The following CAMTA1 variants were observed in gnomAD, a reference collection of about 807,000 sequenced individuals.
CAMTA1 encodes the protein calmodulin binding transcription activator 1, also known as calmodulin-binding transcription activator 1.
CAMTA1 carries 27 observed loss-of-function variants against 170.9 expected under a neutral mutation model. The observed-to-expected ratio is 0.16, with a 90% CI of 0.12 to 0.22. The LOEUF is 0.22. CAMTA1 is among the 10% of genes least tolerant of loss of function. CAMTA1 has a pLI of 1.00. For synonymous variants in CAMTA1, 833 were observed against 891.5 expected, an observed-to-expected ratio of 0.93 and a Z score of 1.17; for missense variants, 1,619 against 2,217.2, an observed-to-expected ratio of 0.73 and a Z score of 5.42.
chr1:7,653,718 C>G (rs1321044490), intron 7 of CAMTA1, among the ~76,000 whole-genome samples: 1 of 152,020 alleles, frequency 6.6e-6, no homozygotes, highest in Non-Finnish European at 1.5e-5. Flanking sequence ...AAAAAAAGTG[C>G]TAGGGAGGGC....
At chr1:6,844,674 A>G (rs1657281408) in intron 3 of CAMTA1, among the ~76,000 whole-genome samples, 1 of 135,974 alleles carries the variant, frequency 7.4e-6, no homozygotes, top group Admixed American at 8.0e-5. Context: ...TGACAGAGTG[A>G]GAGAGACCCT....
At chr1:7,698,428 G>C (rs1489353039) in intron 11 of CAMTA1, 1 of 152,444 alleles carries the variant, frequency 6.6e-6, no homozygotes, top group Non-Finnish European at 1.5e-5. Context: ...TGATTTTACA[G>C]AGGAGGAAAC....
At chr1:7,605,022 C>A (rs2095474476) in intron 6 of CAMTA1, among the ~76,000 whole-genome samples, 1 of 152,120 alleles carries the variant, frequency 6.6e-6, no homozygotes, top group Non-Finnish European at 1.5e-5. Flanking sequence ...AATGTTGCTG[C>A]CTGATCATTC....
chr1:7,062,347 T>C (rs1041786425), intron 3 of CAMTA1, among the ~76,000 whole-genome samples: 3 of 152,162 alleles, frequency 2.0e-5, no homozygotes, highest in African/African-American at 7.2e-5. Flanking sequence ...TAAGGAAACA[T>C]AGATTACAGT....
At chr1:7,611,287 T>G (rs187763653) in intron 6 of CAMTA1, among the ~76,000 whole-genome samples, 61 of 152,172 alleles carry the variant, frequency 4.0e-4, no homozygotes, top group Non-Finnish European at 7.2e-4. Flanking sequence ...TTCACAACAG[T>G]TCCAACTTTT....
At chr1:7,436,342 G>A (rs2092346456) in intron 5 of CAMTA1, among the ~76,000 whole-genome samples, 1 of 152,208 alleles carries the variant, frequency 6.6e-6, no homozygotes, top group South Asian at 2.1e-4. Context: ...GGATTGTTCA[G>A]GGAGGGGGCC....
intron 6 of CAMTA1, among the ~76,000 whole-genome samples, chr1:7,550,387 G>A (rs1276044003): frequency 6.6e-6 from 1 of 151,852 alleles, no homozygotes; most frequent in Non-Finnish European, 1.5e-5. Context: ...CTGATCCAGA[G>A]TCCTGAATGG....
At chr1:7,303,063 T>G (rs1675029441) in intron 5 of CAMTA1, among the ~76,000 whole-genome samples, 1 of 152,194 alleles carries the variant, frequency 6.6e-6, no homozygotes, top group African/African-American at 2.4e-5. Context: ...GCCTTCCTCT[T>G]GGTGCTGCTG....
At chr1:7,667,568 C>G (rs2096012408) in intron 9 of CAMTA1, among the ~76,000 whole-genome samples, 1 of 152,148 alleles carries the variant, frequency 6.6e-6, no homozygotes, top group Non-Finnish European at 1.5e-5. Flanking sequence ...AGGGTCCCCT[C>G]TTTTCCCGAG....
chr1:7,388,867 C>T (rs946472018), intron 5 of CAMTA1, among the ~76,000 whole-genome samples: 2 of 152,232 alleles, frequency 1.3e-5, no homozygotes, highest in African/African-American at 4.8e-5. Context: ...CCTCTGAGCC[C>T]TCCAGCCAGA....
chr1:7,687,390 G>C (rs1558132889), intron 11 of CAMTA1, among the ~76,000 whole-genome samples: 1 of 152,106 alleles, frequency 6.6e-6, no homozygotes, highest in Admixed American at 6.5e-5. Context: ...GCAGGGGGAG[G>C]TGGGTAGGAA....
chr1:7,595,360 G>A (rs1446551175), intron 6 of CAMTA1, among the ~76,000 whole-genome samples: 1 of 152,220 alleles, frequency 6.6e-6, no homozygotes, highest in Non-Finnish European at 1.5e-5. Context: ...GCCCTTTAAT[G>A]GAGCATTGAG....
intron 3 of CAMTA1, among the ~76,000 whole-genome samples, chr1:6,946,774 C>G (rs1206042523): frequency 6.6e-6 from 1 of 151,358 alleles, no homozygotes; most frequent in African/African-American, 2.4e-5. Context: ...TGTCTTTTCA[C>G]TTCCTTCACC....
At chr1:7,155,480 T>G (rs945503786) in intron 4 of CAMTA1, among the ~76,000 whole-genome samples, 23 of 149,152 alleles carry the variant, frequency 1.5e-4, no homozygotes, top group African/African-American at 4.7e-4. Context: ...TATCTAGGCC[T>G]GACCTGTCAT....
At chr1:7,175,370 T>C (rs1650576344) in intron 4 of CAMTA1, among the ~76,000 whole-genome samples, 1 of 152,048 alleles carries the variant, frequency 6.6e-6, no homozygotes, top group Admixed American at 6.5e-5. Context: ...TTCTTCTGTT[T>C]TCTGTTCTGC....
In CAMTA1 at chr1:7,491,990, G is replaced by A. The variant is rs546677340; in HGVS notation, c.510+24089G>A. Among the ~76,000 whole-genome samples, 5 of 152,288 alleles carry A rather than the reference G, an allele frequency of 3.3e-5. No individual in the cohort carries two copies. In the East Asian group the frequency reaches 7.7e-4, roughly 24 times the overall value. On this transcript the variant is annotated intron_variant, in intron 6 of 22. Coordinates refer to ENST00000303635, the MANE Select transcript of CAMTA1 (RefSeq NM_015215.4). ...CTTGATTGCCACATTGTGGATGTCA[G>A]AATGTCACCTGCTTGGTTAGAGCTT...
chr1:7,126,292 T>A (rs1644929890), intron 4 of CAMTA1, among the ~76,000 whole-genome samples: 1 of 152,120 alleles, frequency 6.6e-6, no homozygotes, highest in African/African-American at 2.4e-5. Flanking sequence ...CTGCCTGTCT[T>A]CACCTCAGAT....
chr1:7,660,672 T>G (rs1283800354), intron 7 of CAMTA1, among the ~76,000 whole-genome samples: 2 of 152,158 alleles, frequency 1.3e-5, no homozygotes, highest in East Asian at 3.8e-4. Context: ...GCTGCGAGGG[T>G]TAGCGGCTGT....
Position 7,493,650 on chromosome 1 carries a change from G to A in CAMTA1, c.510+25749G>A, listed in dbSNP as rs973895498. Among the ~76,000 whole-genome samples the A allele has an allele frequency of 4.5e-3, 101 of 22,332 alleles. 2 individuals carry two copies. The South Asian group carries it at 0.087, about 19-fold the overall frequency. The allele number at this position is 22,332 out of a possible 152,430, so 14.7% of individuals were successfully genotyped here. A position where few individuals can be genotyped will look rare whatever the true frequency, so the allele number is the denominator to read the frequency against. ...ATCCATCCCCCAGGGAACTGGGGGG[G>A]GGGGGGGGTCAGCGGAAGAGTTTGT... On this transcript the variant is annotated intron_variant, in intron 6 of 22. Transcript: ENST00000303635.
Sources: gnomAD v4.1 joint callset for allele counts (sites outside exome capture counted in the v4.1 genomes callset) on GRCh38, gnomAD v4.1.1 for gene constraint, MANE v1.5 for transcripts, NCBI Gene and HGNC (gene_info 2026-07-23, HGNC 2026-07-21) for gene names.